The following PRAMEF5 variants were observed in gnomAD, a reference collection of about 807,000 sequenced individuals.
The protein encoded by PRAMEF5 is PRAME family member 5.
In PRAMEF5, 5 loss-of-function variants were observed where a neutral mutation model predicts 16.4. The observed-to-expected ratio is 0.30, with a 90% CI of 0.16 to 0.64. The LOEUF (loss-of-function observed/expected upper bound fraction) is 0.64, where lower values mean the gene tolerates loss of function less well. Among genes scored for constraint, PRAMEF5 ranks in the 30% least tolerant of loss-of-function variants. PRAMEF5 has a pLI of 0.80. For synonymous variants in PRAMEF5, 19 were observed against 107.3 expected (o/e 0.18, Z 5.09); for missense variants, 36 against 282.9 (o/e 0.13, Z 6.26).
downstream of PRAMEF5, chr1:13,263,366 A>G: frequency 4.7e-6 from 3 of 635,670 alleles, no homozygotes; most frequent in Non-Finnish European, 8.1e-6. Flanking sequence ...TGGAGGCTTG[A>G]GAATACTTGA....
Position 13,260,068 on chromosome 1 carries a change from G to A in PRAMEF5, c.288-154G>A. ...GGTCTCAAAAGAAAAACAAAAAAATGTGGAAGTGGGCAGGATCCAAGGGGA... is the reference window on the plus strand; with the variant it reads ...GGTCTCAAAAGAAAAACAAAAAAATATGGAAGTGGGCAGGATCCAAGGGGA... On this transcript the variant is annotated intron_variant, in intron 2 of 3. Transcript: ENST00000622421. The A allele has an allele frequency of 4.1e-6, 5 of 1,212,950 alleles. 1 individual carries two copies. Among genetic ancestry groups the A allele is most frequent in the South Asian group, 1.5e-5 (1 of 68,748 alleles). 75.1% of individuals were successfully genotyped at this position (1,212,950 alleles called of 1,614,324 possible). A position where few individuals can be genotyped will look rare whatever the true frequency, so the allele number is the denominator to read the frequency against.
intron 2 of PRAMEF5, 165 bp from the exon 3 acceptor site, chr1:13,260,057 A>G (rs1283226106): frequency 9.3e-7 from 1 of 1,072,650 alleles, no homozygotes; most frequent in Non-Finnish European, 1.3e-6. Context: ...TCAAAAGAAA[A>G]ACAAAAAAAT....
chr1:13,261,168 G>A (rs2100218241), intron 3 of PRAMEF5: 8 of 6,146 alleles, frequency 1.3e-3, no homozygotes, highest in East Asian at 5.9e-3. Flanking sequence ...TAGCAGTTTG[G>A]GAGTCTGAGG....
chr1:13,260,092 G>C, intron 2 of PRAMEF5, 130 bp from the exon 3 acceptor site: 1 of 1,478,938 alleles, frequency 6.8e-7, no homozygotes, highest in East Asian at 2.4e-5. Context: ...GATCCAAGGG[G>C]AAAACAGGGT....
exon 3 of PRAMEF5, chr1:13,260,424 C>T: frequency 7.5e-7 from 1 of 1,338,706 alleles, no homozygotes; most frequent in Non-Finnish European, 1.0e-6. Context: ...GGATGAATAC[C>T]TCACCTGCCT....
exon 4 of PRAMEF5, chr1:13,263,194 T>A (rs1553172999): frequency 0.094 from 95,282 of 1,019,030 alleles, 5,096 homozygotes; most frequent in Middle Eastern, 0.13. Flanking sequence ...GTACATCCTA[T>A]AGGGAGCACA....
intron 2 of PRAMEF5, 44 bp from the exon 3 acceptor site, chr1:13,260,178 A>G (rs1363570221): frequency 6.4e-7 from 1 of 1,560,370 alleles, no homozygotes; most frequent in Non-Finnish European, 8.8e-7. Flanking sequence ...TTAAGTTCAG[A>G]AATGAGTTCT....
exon 4 of PRAMEF5, chr1:13,263,268 G>A (rs1553172975): frequency 1.9e-5 from 24 of 1,260,232 alleles, no homozygotes; most frequent in Middle Eastern, 2.6e-4. Flanking sequence ...GCAGGGGCAG[G>A]ACTTGGGGGA....
In PRAMEF5 at chr1:13,262,018, C is replaced by T. The variant is rs1221805765; in HGVS notation, c.870-532C>T. ...GGGATTCTGTGAACTTGATCCATTC[C>T]TATAAATGATGGTGAAGTGACTCAG... On this transcript the variant is annotated intron_variant, in intron 3 of 3. Transcript: ENST00000622421. The T allele has an allele frequency of 1.0e-2, 1,330 of 133,546 alleles. 12 individuals are homozygous for T. The highest frequency in any genetic ancestry group is 0.021 in the African/African-American group (706 of 33,144). 8.3% of individuals were successfully genotyped at this position (133,546 alleles called of 1,614,324 possible).
At chr1:13,262,124 T>C (rs1332474227) in intron 3 of PRAMEF5, 5 of 146,768 alleles carry the variant, frequency 3.4e-5, no homozygotes, top group Non-Finnish European at 5.8e-5. Flanking sequence ...TGTAGTGGCA[T>C]GATCTCTGCT....
intron 3 of PRAMEF5, chr1:13,261,760 C>T (rs1156525979): frequency 8.0e-4 from 11 of 13,684 alleles, no homozygotes; most frequent in African/African-American, 2.5e-3. Context: ...AAATTAATTA[C>T]CTAGGAAATG....
At chr1:13,262,049 A>G (rs1176415136) in intron 3 of PRAMEF5, 1 of 161,918 alleles carries the variant, frequency 6.2e-6, no homozygotes, top group Non-Finnish European at 1.3e-5. Context: ...CTCAGCCTCA[A>G]ATGGAATTAT....
intron 2 of PRAMEF5, chr1:13,260,013 C>T (rs1639369046): frequency 2.8e-6 from 2 of 714,276 alleles, no homozygotes; most frequent in East Asian, 6.4e-5. Flanking sequence ...CACACCACTG[C>T]ACTCCAGCCT....
At chr1:13,263,358 G>A, downstream of PRAMEF5, 1 of 627,886 alleles carries the variant, frequency 1.6e-6, no homozygotes, top group Non-Finnish European at 2.8e-6. Flanking sequence ...GTCTAGAGTG[G>A]AGGCTTGAGA....
chr1:13,256,067 C>T, intron 1 of PRAMEF5: 2 of 135,140 alleles, frequency 1.5e-5, no homozygotes, highest in Admixed American at 7.6e-5. Context: ...CAGGTGTGAG[C>T]CACTTCGTCT....
intron 1 of PRAMEF5, chr1:13,258,574 G>C (rs1186032721): frequency 6.1e-6 from 1 of 163,508 alleles, no homozygotes; most frequent in Non-Finnish European, 1.3e-5. Flanking sequence ...CTACACTCCA[G>C]GCTGGGTGAC....
At chr1:13,255,764 CT>C (rs1639312072) in intron 1 of PRAMEF5, 1 of 33,598 alleles carries the variant, frequency 3.0e-5, no homozygotes, top group South Asian at 1.7e-3. Flanking sequence ...TCTCTCTCTC[CT>C]TTTTCTTTTT....
Position 13,260,156 on chromosome 1 carries a change from A to C in PRAMEF5, c.288-66A>C. ...GCAGGGAGGGGAGGAGCTGCTCTCC[A>C]GGATGTGGAGTTTAAGTTCAGAAAT... On this transcript the variant is annotated intron_variant, in intron 2 of 3. Coordinates refer to ENST00000622421, the Ensembl canonical transcript of PRAMEF5. 5.2e-6 allele frequency: 8 copies of C among 1,552,682 alleles called. 2 individuals carry two copies. The South Asian group carries it at 7.9e-5, about 15-fold the overall frequency.
At chr1:13,260,149 G>A (rs1459043738) in intron 2 of PRAMEF5, 73 bp from the exon 3 acceptor site, 36 of 1,553,192 alleles carry the variant, frequency 2.3e-5, no homozygotes, top group Non-Finnish European at 2.2e-5. Flanking sequence ...GGGAGGAGCT[G>A]CTCTCCAGGA....
Sources: allele counts gnomAD v4.1 joint callset, GRCh38; gene constraint gnomAD v4.1.1; transcripts MANE v1.5; gene names NCBI Gene and HGNC (gene_info 2026-07-23, HGNC 2026-07-21).